C10orf90: variants seen among roughly 807,000 people sequenced by gnomAD.
C10orf90 encodes (E2-independent) E3 ubiquitin-conjugating enzyme FATS.
A neutral mutation model predicts 62.5 loss-of-function variants in C10orf90; 56 were observed. That is an observed-to-expected ratio of 0.90 (90% CI 0.72 to 1.12). The LOEUF (loss-of-function observed/expected upper bound fraction) is 1.12, where lower values mean the gene tolerates loss of function less well. C10orf90 is among the 50% of genes most tolerant of loss of function. C10orf90 has a pLI of 0.00. For synonymous variants in C10orf90, 386 were observed against 340.4 expected (o/e 1.13, Z -1.47); for missense variants, 970 against 880.4 (o/e 1.10, Z -1.29).
At chr10:126,625,067 GA>G in intron 2 of C10orf90, among the ~76,000 whole-genome samples, 1 of 152,336 alleles carries the variant, frequency 6.6e-6, no homozygotes, top group East Asian at 1.9e-4. Flanking sequence ...GCAGGGAGCT[GA>G]GGGTGCTGAA....
intron 7 of C10orf90, among the ~76,000 whole-genome samples, chr10:126,441,998 A>T (rs1858359419): frequency 1.3e-5 from 2 of 152,102 alleles, no homozygotes; most frequent in African/African-American, 4.8e-5. Flanking sequence ...CAAAAAACAA[A>T]AAACCAAGGT....
chr10:126,666,802 C>T (rs1443127343), intron 1 of C10orf90, among the ~76,000 whole-genome samples: 1 of 151,748 alleles, frequency 6.6e-6, no homozygotes, highest in African/African-American at 2.4e-5. Flanking sequence ...TATGGTAAAA[C>T]CCCATCTCTA....
intron 2 of C10orf90, among the ~76,000 whole-genome samples, chr10:126,535,312 T>G (rs1864205554): frequency 6.6e-6 from 1 of 151,498 alleles, no homozygotes; most frequent in African/African-American, 2.4e-5. Flanking sequence ...GGTCAGGAGA[T>G]TGAGACCATC....
At chr10:126,581,674 C>A (rs572634474) in intron 2 of C10orf90, among the ~76,000 whole-genome samples, 2 of 152,374 alleles carry the variant, frequency 1.3e-5, no homozygotes, top group Non-Finnish European at 2.9e-5. Context: ...GTAGACACAG[C>A]ACCCAGGTGT....
chr10:126,470,235 G>A (rs1193783630), intron 4 of C10orf90: 1 of 372,466 alleles, frequency 2.7e-6, no homozygotes, highest in Non-Finnish European at 5.4e-6. Flanking sequence ...TCTGCATGAT[G>A]CATGCTAATC....
intron 2 of C10orf90, among the ~76,000 whole-genome samples, chr10:126,525,715 C>A (rs2133948339): frequency 6.6e-6 from 1 of 152,286 alleles, no homozygotes; most frequent in Admixed American, 6.5e-5. Flanking sequence ...CTGCCATTAT[C>A]CTGTGTCCCC....
At chr10:126,506,833 G>A (rs1263969787) in intron 3 of C10orf90, among the ~76,000 whole-genome samples, 3 of 152,108 alleles carry the variant, frequency 2.0e-5, no homozygotes, top group Non-Finnish European at 2.9e-5. Flanking sequence ...TTCAGGGCAG[G>A]ACTAATATTT....
intron 1 of C10orf90, among the ~76,000 whole-genome samples, chr10:126,667,348 A>ACAC (rs981738752): frequency 3.9e-5 from 6 of 152,104 alleles, no homozygotes; most frequent in African/African-American, 1.4e-4. Flanking sequence ...GTGAGCCACC[A>ACAC]CACCCAGCTG....
chr10:126,508,015 T>C lies in C10orf90; in HGVS notation c.406-2930A>G, dbSNP rs1365532285. Among the ~76,000 whole-genome samples, 5 of 150,910 alleles carry C rather than the reference T, an allele frequency of 3.3e-5. 1 individual carries two copies. In the South Asian group the frequency reaches 8.3e-4, roughly 25 times the overall value. Reference sequence around the variant, plus strand: ...GAGTGCAATCATACCCAGTAGGAACTCCTTTGACACTGCTCTTTGAAGAAA... The same window carrying C: ...GAGTGCAATCATACCCAGTAGGAACCCCTTTGACACTGCTCTTTGAAGAAA... On this transcript the variant is annotated intron_variant, in intron 3 of 9. Transcript: ENST00000488181.
At chr10:126,478,225 A>G (rs1223162811) in intron 4 of C10orf90, among the ~76,000 whole-genome samples, 1 of 152,206 alleles carries the variant, frequency 6.6e-6, no homozygotes, top group African/African-American at 2.4e-5. Context: ...GAATCCTTGA[A>G]TAAATAACTG....
intron 5 of C10orf90, among the ~76,000 whole-genome samples, chr10:126,464,037 G>A (rs1469503573): frequency 6.6e-6 from 1 of 152,160 alleles, no homozygotes; most frequent in Non-Finnish European, 1.5e-5. Context: ...TCTTTAGAAT[G>A]ATAGGAAATG....
chr10:126,592,062 G>A (rs1027350549), intron 2 of C10orf90, among the ~76,000 whole-genome samples: 2 of 151,998 alleles, frequency 1.3e-5, no homozygotes, highest in African/African-American at 4.8e-5. Flanking sequence ...ACAAACAAAT[G>A]GAAAAACATT....
At position 126,626,748 on chromosome 10, in the gene C10orf90, G is replaced by A. The variant is rs150696977; in HGVS notation, c.313+19817C>T. On this transcript the variant is annotated intron_variant, in intron 2 of 9. Transcript: ENST00000488181. ...CTATATTGGTGCAATGGCTGCTGCT[G>A]GCAATAAAAAAACAGAGTTGATGCT... Among the ~76,000 whole-genome samples the A allele has an allele frequency of 1.4e-4, 22 of 152,180 alleles. 1 individual carries two copies. In the East Asian group the frequency reaches 4.2e-3, roughly 29 times the overall value.
chr10:126,501,399 C>T (rs1179139600), intron 4 of C10orf90, among the ~76,000 whole-genome samples: 1 of 152,088 alleles, frequency 6.6e-6, no homozygotes. Context: ...CAGGGGTGCA[C>T]GTGTAGGTGA....
intron 2 of C10orf90, among the ~76,000 whole-genome samples, chr10:126,566,752 G>C (rs1844399444): frequency 6.6e-6 from 1 of 152,168 alleles, no homozygotes; most frequent in African/African-American, 2.4e-5. Context: ...AAGCACTTTT[G>C]CTTTTGAGTG....
Position 126,464,986 on chromosome 10 carries a change from AC to A in C10orf90, c.1535-1del. On this transcript the variant is annotated splice_acceptor_variant, in intron 4 of 9. Coordinates refer to ENST00000488181, the MANE Select transcript of C10orf90 (RefSeq NM_001350921.2). LOFTEE classifies it high-confidence loss of function. The stretch of plus-strand genomic sequence containing the variant: ...GCTTCCAGAAAATACTTTTGTGTGT[AC>A]TAAAAATAAAACGAGAGTTGTGCTC... The A allele has an allele frequency of 1.3e-6, 2 of 1,591,876 alleles. No individual in the cohort carries two copies. Among genetic ancestry groups the A allele is most frequent in the East Asian group, 4.5e-5 (2 of 44,270 alleles).
chr10:126,461,637 G>A (rs17154818), intron 5 of C10orf90, 52 bp from the exon 6 acceptor site: 22 of 1,557,154 alleles, frequency 1.4e-5, no homozygotes, highest in Middle Eastern at 1.8e-4. Flanking sequence ...TGATTTTCAC[G>A]TGGCTCCTCA....
At chr10:126,493,036 A>T (rs1307977469) in intron 4 of C10orf90, among the ~76,000 whole-genome samples, 2 of 152,312 alleles carry the variant, frequency 1.3e-5, no homozygotes, top group East Asian at 3.9e-4. Flanking sequence ...ATACAATGGA[A>T]GCTCACGTAG....
At chr10:126,635,223 A>G (rs1215994583) in intron 2 of C10orf90, among the ~76,000 whole-genome samples, 1 of 152,258 alleles carries the variant, frequency 6.6e-6, no homozygotes, top group Non-Finnish European at 1.5e-5. Flanking sequence ...GAGGGTCATT[A>G]AAGTAAAGCT....
Sources: allele counts gnomAD v4.1 joint callset (sites outside exome capture counted in the v4.1 genomes callset), GRCh38; gene constraint gnomAD v4.1.1; transcripts MANE v1.5; gene names NCBI Gene and HGNC (gene_info 2026-07-23, HGNC 2026-07-21).